PSD3: variants seen among roughly 807,000 people sequenced by gnomAD.
PSD3 encodes the protein pleckstrin and Sec7 domain containing 3, also known as PH and SEC7 domain-containing protein 3.
Under a neutral mutation model 105.5 loss-of-function variants are expected in PSD3, and 49 were observed. The observed-to-expected ratio is 0.46, with a 90% CI of 0.37 to 0.59. The LOEUF (loss-of-function observed/expected upper bound fraction) is 0.59, where lower values mean the gene tolerates loss of function less well. PSD3 is among the 20% of genes least tolerant of loss of function. PSD3 has a pLI of 0.00. For missense variants in PSD3, 1,561 were observed against 1,263.8 expected, an observed-to-expected ratio of 1.24 and a Z score of -3.57; for synonymous variants, 557 against 457.8, an observed-to-expected ratio of 1.22 and a Z score of -2.77.
At chr8:18,675,337 A>C (rs925827758) in intron 9 of PSD3, among the ~76,000 whole-genome samples, 1 of 152,184 alleles carries the variant, frequency 6.6e-6, no homozygotes, top group South Asian at 2.1e-4. Context: ...TGACACCACT[A>C]AACTGCAGCT....
chr8:18,636,922 T>C (rs1807296524), intron 10 of PSD3, among the ~76,000 whole-genome samples: 1 of 152,184 alleles, frequency 6.6e-6, no homozygotes, highest in Non-Finnish European at 1.5e-5. Flanking sequence ...ATAAGTACAC[T>C]CACGTGTATA....
chr8:18,762,973 C>T lies in PSD3; in HGVS notation c.2172+2476G>A, dbSNP rs1036204787. 8.0e-6 allele frequency: 10 copies of T among 1,256,362 alleles called. No homozygotes were observed. In the East Asian group the frequency reaches 2.2e-4, roughly 28 times the overall value. 77.8% of individuals were successfully genotyped at this position (1,256,362 alleles called of 1,614,324 possible). ...CCAATATTTCTCAGTAGTCTGTGAT[C>T]TCTGAGGACAGGTGCCCATTTGGTT... On this transcript the variant is annotated intron_variant, in intron 9 of 15. Transcript: ENST00000327040.
At chr8:18,543,511 G>A (rs537408028) in intron 15 of PSD3, among the ~76,000 whole-genome samples, 2 of 152,062 alleles carry the variant, frequency 1.3e-5, no homozygotes, top group Admixed American at 6.5e-5. Context: ...CCAGCTACTC[G>A]GGAGGCTGAG....
chr8:18,799,269 T>C (rs1810472735), intron 8 of PSD3, 26 bp downstream of exon 8: 5 of 1,567,510 alleles, frequency 3.2e-6, no homozygotes, highest in Admixed American at 1.7e-5. Flanking sequence ...ATGTTTTGGA[T>C]CTAAGTTTCA....
chr8:19,074,972 G>A (rs892057844), intron 1 of PSD3, among the ~76,000 whole-genome samples: 112 of 150,146 alleles, frequency 7.5e-4, no homozygotes, highest in African/African-American at 2.6e-3. Flanking sequence ...TTGAGATGGA[G>A]TCTTGCCCTT....
chr8:18,840,927 G>C (rs1428161474), intron 4 of PSD3, among the ~76,000 whole-genome samples: 1 of 152,194 alleles, frequency 6.6e-6, no homozygotes, highest in Non-Finnish European at 1.5e-5. Flanking sequence ...ACATTCATCT[G>C]GGTGTGTGTG....
At chr8:18,803,730 A>G (rs765379569) in intron 6 of PSD3, among the ~76,000 whole-genome samples, 2 of 152,088 alleles carry the variant, frequency 1.3e-5, no homozygotes, top group Admixed American at 6.6e-5. Context: ...AGTCAAAATC[A>G]TCGAGAAGAG....
chr8:18,978,071 T>G (rs1323130082), intron 1 of PSD3, among the ~76,000 whole-genome samples: 3 of 152,170 alleles, frequency 2.0e-5, no homozygotes, highest in Non-Finnish European at 4.4e-5. Flanking sequence ...CATTCTCCAT[T>G]GGGCCAGGCT....
chr8:18,905,327 T>C (rs1279399847), intron 2 of PSD3, among the ~76,000 whole-genome samples: 1 of 152,164 alleles, frequency 6.6e-6, no homozygotes, highest in East Asian at 1.9e-4. Flanking sequence ...CTCCTCTCCT[T>C]TTCTTCTTTT....
At chr8:18,897,928 T>C (rs1161263200) in intron 2 of PSD3, among the ~76,000 whole-genome samples, 1 of 152,212 alleles carries the variant, frequency 6.6e-6, no homozygotes, top group South Asian at 2.1e-4. Flanking sequence ...GTTTTATTTA[T>C]ATAAGATCAT....
At chr8:19,069,015 C>T (rs538828701) in intron 1 of PSD3, among the ~76,000 whole-genome samples, 5 of 152,286 alleles carry the variant, frequency 3.3e-5, no homozygotes, top group African/African-American at 9.6e-5. Flanking sequence ...CAGCTTCCAT[C>T]GCACCCAACT....
chr8:18,583,912 T>G (rs539524221), intron 12 of PSD3, among the ~76,000 whole-genome samples: 1 of 152,304 alleles, frequency 6.6e-6, no homozygotes, highest in Admixed American at 6.5e-5. Context: ...ATCTTATATA[T>G]GCACTCATTA....
At chr8:18,977,573 G>A (rs565852058) in intron 1 of PSD3, among the ~76,000 whole-genome samples, 23 of 152,208 alleles carry the variant, frequency 1.5e-4, no homozygotes, top group African/African-American at 4.8e-4. Context: ...TAAAAAGATA[G>A]AGAGATTTGT....
chr8:18,555,686 G>A (rs1801025818), intron 15 of PSD3, among the ~76,000 whole-genome samples: 1 of 152,114 alleles, frequency 6.6e-6, no homozygotes, highest in African/African-American at 2.4e-5. Flanking sequence ...TTTTTAATAA[G>A]CACACTCACT....
intron 1 of PSD3, among the ~76,000 whole-genome samples, chr8:19,040,080 G>A (rs1828070164): frequency 6.6e-6 from 1 of 152,236 alleles, no homozygotes; most frequent in Non-Finnish European, 1.5e-5. Flanking sequence ...AACGGAAACA[G>A]CCTTTCAGGC....
intron 10 of PSD3, among the ~76,000 whole-genome samples, chr8:18,635,435 T>C (rs890361588): frequency 1.3e-5 from 2 of 152,148 alleles, no homozygotes; most frequent in Non-Finnish European, 2.9e-5. Flanking sequence ...ATACAACCAT[T>C]GTCTTGTAAA....
intron 9 of PSD3, among the ~76,000 whole-genome samples, chr8:18,761,045 G>A (rs1262302469): frequency 6.6e-6 from 1 of 152,158 alleles, no homozygotes; most frequent in Non-Finnish European, 1.5e-5. Context: ...TCCAGGACCA[G>A]TTCAAGAGCC....
At chr8:18,754,574 T>C (rs1477767108) in intron 9 of PSD3, among the ~76,000 whole-genome samples, 1 of 152,012 alleles carries the variant, frequency 6.6e-6, no homozygotes, top group East Asian at 1.9e-4. Flanking sequence ...AAGATTATGA[T>C]ATGCCAGGGG....
chr8:18,766,288 T>C (rs1245424299), intron 8 of PSD3, among the ~76,000 whole-genome samples: 7 of 152,034 alleles, frequency 4.6e-5, no homozygotes, highest in Admixed American at 4.6e-4. Context: ...GAGTCGAGAC[T>C]GCACTACTAC....
Sources: allele counts gnomAD v4.1 joint callset (sites outside exome capture counted in the v4.1 genomes callset), GRCh38; gene constraint gnomAD v4.1.1; transcripts MANE v1.5; gene names NCBI Gene and HGNC (gene_info 2026-07-23, HGNC 2026-07-21).